CAMK2D: variants seen among roughly 807,000 people sequenced by gnomAD.
CAMK2D encodes the protein calcium/calmodulin-dependent protein kinase type II subunit delta.
CAMK2D carries 37 observed loss-of-function variants against 84.0 expected under a neutral mutation model. That is an observed-to-expected ratio of 0.44 (90% CI 0.34 to 0.58). CAMK2D has a LOEUF of 0.58. Ranked by LOEUF, CAMK2D falls within the 20% of genes least tolerant of loss-of-function variation. The probability of loss-of-function intolerance (pLI) is 0.02; values close to 1 mark genes in which losing one functional copy is unlikely to be tolerated. For missense variants in CAMK2D, 448 were observed against 652.5 expected (o/e 0.69, Z 3.41); for synonymous variants, 202 against 212.5 (o/e 0.95, Z 0.43).
intron 4 of CAMK2D, among the ~76,000 whole-genome samples, chr4:113,593,611 A>G (rs2098905538): frequency 6.6e-6 from 1 of 152,216 alleles, no homozygotes; most frequent in Admixed American, 6.5e-5. Flanking sequence ...CTTCTGGAAG[A>G]AGGAGGAGAA....
intron 4 of CAMK2D, among the ~76,000 whole-genome samples, chr4:113,565,393 G>A (rs1185747806): frequency 6.6e-6 from 1 of 152,186 alleles, no homozygotes; most frequent in African/African-American, 2.4e-5. Flanking sequence ...GCTCACGCCT[G>A]TAATCCCAGC....
At chr4:113,460,018 A>G in intron 18 of CAMK2D, 129 bp downstream of exon 18, 1 of 670,688 alleles carries the variant, frequency 1.5e-6, no homozygotes, top group Non-Finnish European at 2.7e-6. Flanking sequence ...ATACAAAACC[A>G]TTGTATGGTT....
At chr4:113,464,920 C>G (rs928666632) in intron 17 of CAMK2D, among the ~76,000 whole-genome samples, 1 of 152,142 alleles carries the variant, frequency 6.6e-6, no homozygotes, top group African/African-American at 2.4e-5. Context: ...CTGGACTGAC[C>G]TTTTCTCATC....
chr4:113,663,315 G>C (rs2099242848), intron 2 of CAMK2D, among the ~76,000 whole-genome samples: 1 of 152,178 alleles, frequency 6.6e-6, no homozygotes, highest in African/African-American at 2.4e-5. Context: ...GCTGGGCACA[G>C]TAGCTCACCC....
chr4:113,685,256 TTA>T lies in CAMK2D; in HGVS notation c.161-23486_161-23485del, dbSNP rs1460707508. ...TCAGACTTCTTTTTTTTTTTTTTTT[TTA>T]GACAAGGTCTTACTCTGTCACCCAG... On this transcript the variant is annotated intron_variant, in intron 2 of 20. Coordinates refer to ENST00000511664, the MANE Select transcript of CAMK2D (RefSeq NM_001321571.2). Among the ~76,000 whole-genome samples the T allele has an allele frequency of 1.6e-4, 24 of 147,488 alleles. No individual in the cohort carries two copies. In the South Asian group the frequency reaches 4.6e-3, roughly 28 times the overall value.
At position 113,761,496 on chromosome 4, in the gene CAMK2D, T is replaced by G; in HGVS notation, c.-428A>C. The stretch of plus-strand genomic sequence containing the variant: ...AGGAGTAGAAGCAGAGGGGAGGGAG[T>G]CCGAGGGGGCGGAGGTGGAGTGCAG... On this transcript the variant is annotated 5_prime_UTR_variant, in exon 1 of 21. Transcript: ENST00000511664. 1 of 1,043,974 alleles carries G rather than the reference T, an allele frequency of 9.6e-7. No individual in the cohort carries two copies. The highest frequency in any genetic ancestry group is 1.2e-6 in the Non-Finnish European group (1 of 864,662). 64.7% of individuals were successfully genotyped at this position (1,043,974 alleles called of 1,614,324 possible). A position where few individuals can be genotyped will look rare whatever the true frequency, so the allele number is the denominator to read the frequency against.
intron 3 of CAMK2D, among the ~76,000 whole-genome samples, chr4:113,648,042 T>G (rs2099158505): frequency 1.3e-5 from 2 of 152,168 alleles, no homozygotes; most frequent in African/African-American, 4.8e-5. Context: ...AAATAGTAAC[T>G]CATTATAGCT....
chr4:113,683,579 AG>A (rs1289034179), intron 2 of CAMK2D, among the ~76,000 whole-genome samples: 13 of 152,358 alleles, frequency 8.5e-5, no homozygotes, highest in African/African-American at 2.9e-4. Context: ...AGAGTTGTGA[AG>A]GCTGATATGG....
intron 3 of CAMK2D, among the ~76,000 whole-genome samples, chr4:113,655,873 A>C (rs2099197714): frequency 6.6e-6 from 1 of 151,970 alleles, no homozygotes; most frequent in Non-Finnish European, 1.5e-5. Flanking sequence ...TCTCTTTACC[A>C]TTGTTTGTTA....
intron 2 of CAMK2D, among the ~76,000 whole-genome samples, chr4:113,725,011 C>T (rs1388171359): frequency 2.0e-5 from 3 of 151,892 alleles, no homozygotes; most frequent in Non-Finnish European, 2.9e-5. Flanking sequence ...CTATAAAGAT[C>T]GTTTTCTCCA....
chr4:113,685,208 AACAGATACAAATGACTT>A (rs964489206), intron 2 of CAMK2D, among the ~76,000 whole-genome samples: 2 of 150,404 alleles, frequency 1.3e-5, no homozygotes, highest in Non-Finnish European at 2.9e-5. Flanking sequence ...ATATCATTTG[AACAGATACAAATGACTT>A]ACATTTCAGA....
At chr4:113,745,601 AC>A (rs780083722) in intron 2 of CAMK2D, among the ~76,000 whole-genome samples, 3 of 152,156 alleles carry the variant, frequency 2.0e-5, no homozygotes, top group Non-Finnish European at 2.9e-5. Context: ...TAAAATGTTA[AC>A]CTCGCTTTCT....
At chr4:113,525,611 C>T (rs960664447) in intron 8 of CAMK2D, among the ~76,000 whole-genome samples, 3 of 152,094 alleles carry the variant, frequency 2.0e-5, no homozygotes, top group African/African-American at 7.2e-5. Flanking sequence ...TGTTGGAATT[C>T]GAGATTTCCT....
At position 113,713,171 on chromosome 4, in the gene CAMK2D, C is replaced by T. The variant is rs80031288; in HGVS notation, c.160+46149G>A. 0.015 allele frequency among the ~76,000 whole-genome samples: 2,220 copies of T among 151,996 alleles called. 91 individuals carry two copies. The East Asian group carries it at 0.15, about 10-fold the overall frequency. On this transcript the variant is annotated intron_variant, in intron 2 of 20. Transcript: ENST00000511664. ...TTGTGTTCACTTTTTCCCTCATTTACAAACAGTCCTGAATGACCAACTCTG... is the reference window on the plus strand; with the variant it reads ...TTGTGTTCACTTTTTCCCTCATTTATAAACAGTCCTGAATGACCAACTCTG...
chr4:113,574,124 T>C (rs1161502467), intron 4 of CAMK2D, among the ~76,000 whole-genome samples: 3 of 152,206 alleles, frequency 2.0e-5, no homozygotes, highest in African/African-American at 7.2e-5. Flanking sequence ...TTCCGTACTG[T>C]GGCATCCAGT....
chr4:113,523,950 A>G (rs184203350), intron 8 of CAMK2D, among the ~76,000 whole-genome samples: 44 of 152,160 alleles, frequency 2.9e-4, no homozygotes, highest in African/African-American at 1.1e-3. Flanking sequence ...TGCAGCCTCA[A>G]CTTCCCTGAC....
At chr4:113,575,879 T>G (rs966725691) in intron 4 of CAMK2D, among the ~76,000 whole-genome samples, 1 of 152,154 alleles carries the variant, frequency 6.6e-6, no homozygotes, top group Non-Finnish European at 1.5e-5. Flanking sequence ...ATATTTTAGT[T>G]ATGTAAAGTT....
intron 16 of CAMK2D, among the ~76,000 whole-genome samples, chr4:113,481,736 C>T (rs2097703571): frequency 6.6e-6 from 1 of 152,154 alleles, no homozygotes; most frequent in Non-Finnish European, 1.5e-5. Flanking sequence ...TGCCTGCCTC[C>T]CAAAGTGCTG....
At chr4:113,473,571 C>T (rs771843560) in intron 16 of CAMK2D, among the ~76,000 whole-genome samples, 3 of 152,012 alleles carry the variant, frequency 2.0e-5, no homozygotes, top group Non-Finnish European at 2.9e-5. Flanking sequence ...CTCTTTTATC[C>T]AGAAGTCACC....
Sources: gnomAD v4.1 joint callset for allele counts (sites outside exome capture counted in the v4.1 genomes callset) on GRCh38, gnomAD v4.1.1 for gene constraint, MANE v1.5 for transcripts, NCBI Gene and HGNC (gene_info 2026-07-23, HGNC 2026-07-21) for gene names.